Variants in SPOCK3 observed in about 807,000 individuals in gnomAD.
The protein encoded by SPOCK3 is testican-3.
A neutral mutation model predicts 56.6 loss-of-function variants in SPOCK3; 30 were observed. That is an observed-to-expected ratio of 0.53 (90% CI 0.40 to 0.72). The LOEUF (loss-of-function observed/expected upper bound fraction) is 0.72. Among genes scored for constraint, SPOCK3 ranks in the 30% least tolerant of loss-of-function variants. The probability of loss-of-function intolerance (pLI) is 0.00; values close to 1 mark genes in which losing one functional copy is unlikely to be tolerated. For missense variants in SPOCK3, 527 were observed against 530.0 expected, an observed-to-expected ratio of 0.99 and a Z score of 0.06; for synonymous variants, 196 against 183.3, an observed-to-expected ratio of 1.07 and a Z score of -0.56.
intron 6 of SPOCK3, among the ~76,000 whole-genome samples, chr4:166,843,117 G>T (rs1471137317): frequency 4.6e-5 from 7 of 152,176 alleles, no homozygotes; most frequent in Non-Finnish European, 1.0e-4. Flanking sequence ...TGAGTGCGGG[G>T]CCCGCCAAGC....
chr4:167,078,570 T>C (rs1214361869), intron 2 of SPOCK3, among the ~76,000 whole-genome samples: 1 of 151,670 alleles, frequency 6.6e-6, no homozygotes, highest in Non-Finnish European at 1.5e-5. Flanking sequence ...AATCAACAAA[T>C]TAACATATTT....
At chr4:166,926,499 T>C (rs1435424028) in intron 4 of SPOCK3, among the ~76,000 whole-genome samples, 1 of 152,140 alleles carries the variant, frequency 6.6e-6, no homozygotes, top group Non-Finnish European at 1.5e-5. Flanking sequence ...GAAGGTTTGA[T>C]ACCTGGGTGT....
intron 5 of SPOCK3, among the ~76,000 whole-genome samples, chr4:166,900,863 A>C (rs12649447): frequency 0.11 from 16,396 of 152,184 alleles, 926 homozygotes; most frequent in African/African-American, 0.13. Context: ...GGGAACAACA[A>C]CAGGTATTCC....
At chr4:166,969,967 A>G (rs1745202164) in intron 4 of SPOCK3, among the ~76,000 whole-genome samples, 1 of 152,248 alleles carries the variant, frequency 6.6e-6, no homozygotes, top group South Asian at 2.1e-4. Context: ...GTCAATATAC[A>G]CAAAAATAAT....
intron 4 of SPOCK3, among the ~76,000 whole-genome samples, chr4:166,963,981 CCTAT>C (rs892261880): frequency 3.3e-5 from 5 of 151,698 alleles, no homozygotes; most frequent in South Asian, 2.1e-4. Flanking sequence ...AGGTACTCTT[CCTAT>C]CTGTTTTCAT....
intron 3 of SPOCK3, among the ~76,000 whole-genome samples, chr4:167,012,026 G>A (rs1484270560): frequency 6.6e-6 from 1 of 151,564 alleles, no homozygotes; most frequent in African/African-American, 2.4e-5. Context: ...ACATTTAATT[G>A]AGTGACATTT....
chr4:167,205,121 G>A (rs115946542), intron 2 of SPOCK3, among the ~76,000 whole-genome samples: 1 of 110,006 alleles, frequency 9.1e-6, no homozygotes, highest in African/African-American at 3.6e-5. Flanking sequence ...CTCCATGCCT[G>A]ACTGAAAAAA....
At chr4:166,735,224 T>C (rs1396828448) in intron 10 of SPOCK3, 134 bp from the exon 11 acceptor site, 2 of 611,252 alleles carry the variant, frequency 3.3e-6, no homozygotes, top group African/African-American at 1.9e-5. Flanking sequence ...TCAAAGATAA[T>C]GAAAGATCCA....
intron 6 of SPOCK3, among the ~76,000 whole-genome samples, chr4:166,875,612 C>G (rs1022159464): frequency 1.3e-5 from 2 of 152,020 alleles, no homozygotes; most frequent in African/African-American, 4.8e-5. Context: ...AGGCATATAG[C>G]TGTAGTGAAG....
intron 2 of SPOCK3, among the ~76,000 whole-genome samples, chr4:167,089,215 T>TA (rs1402156446): frequency 6.6e-6 from 1 of 151,928 alleles, no homozygotes; most frequent in Non-Finnish European, 1.5e-5. Context: ...CAACTGTTAA[T>TA]AAAAAAACAA....
At chr4:167,128,849 C>A (rs1762491494) in intron 2 of SPOCK3, among the ~76,000 whole-genome samples, 1 of 152,132 alleles carries the variant, frequency 6.6e-6, no homozygotes, top group Non-Finnish European at 1.5e-5. Context: ...CATCCATTCC[C>A]AACAGTCTCC....
chr4:166,843,001 C>T (rs773609239), intron 6 of SPOCK3, among the ~76,000 whole-genome samples: 6 of 152,194 alleles, frequency 3.9e-5, no homozygotes, highest in South Asian at 2.1e-4. Flanking sequence ...GGCGAGAATT[C>T]GAGCGTGTCC....
chr4:166,914,719 A>G (rs1737659355), intron 4 of SPOCK3, among the ~76,000 whole-genome samples: 1 of 152,080 alleles, frequency 6.6e-6, no homozygotes, highest in Non-Finnish European at 1.5e-5. Flanking sequence ...GCCATGAGTC[A>G]AGATCACACC....
At chr4:166,957,762 GTC>G (rs2150050870) in intron 4 of SPOCK3, among the ~76,000 whole-genome samples, 1 of 152,262 alleles carries the variant, frequency 6.6e-6, no homozygotes, top group East Asian at 1.9e-4. Flanking sequence ...GGGGCCTACA[GTC>G]TCTCTTTTTT....
chr4:166,942,066 T>G (rs1449123932), intron 4 of SPOCK3, among the ~76,000 whole-genome samples: 1 of 152,226 alleles, frequency 6.6e-6, no homozygotes, highest in Non-Finnish European at 1.5e-5. Flanking sequence ...ATTTGATATT[T>G]TAATACATAA....
At position 167,171,180 on chromosome 4, in the gene SPOCK3, A is replaced by C. The variant is rs184668345; in HGVS notation, c.189+62805T>G. 8.1e-4 allele frequency among the ~76,000 whole-genome samples: 124 copies of C among 152,272 alleles called. 1 individual carries two copies. The highest frequency in any genetic ancestry group is 1.0e-4 in the Non-Finnish European group (7 of 68,002). On this transcript the variant is annotated intron_variant, in intron 2 of 10. Coordinates refer to ENST00000357545, the MANE Select transcript of SPOCK3 (RefSeq NM_001040159.2). ...GACTTACTAAAGCAATAAATGAGGA[A>C]AGAAGGGCTTATTTATTTGACAAAT...
intron 2 of SPOCK3, among the ~76,000 whole-genome samples, chr4:167,166,072 G>A (rs1446741205): frequency 1.3e-5 from 2 of 151,958 alleles, no homozygotes; most frequent in Non-Finnish European, 2.9e-5. Flanking sequence ...AGACAACAAT[G>A]AGAAATTCAT....
intron 4 of SPOCK3, among the ~76,000 whole-genome samples, chr4:166,927,006 G>T (rs188015221): frequency 6.6e-6 from 1 of 152,156 alleles, no homozygotes; most frequent in African/African-American, 2.4e-5. Context: ...AATAGCAATG[G>T]ACCCTAAATT....
At chr4:166,919,694 A>G (rs1162931780) in intron 4 of SPOCK3, among the ~76,000 whole-genome samples, 1 of 152,222 alleles carries the variant, frequency 6.6e-6, no homozygotes, top group African/African-American at 2.4e-5. Flanking sequence ...TGTATAAGAT[A>G]TAAAGAGTCA....
Sources: gnomAD v4.1 joint callset for allele counts (sites outside exome capture counted in the v4.1 genomes callset) on GRCh38, gnomAD v4.1.1 for gene constraint, MANE v1.5 for transcripts, NCBI Gene and HGNC (gene_info 2026-07-23, HGNC 2026-07-21) for gene names.